Variants in NEMP2 observed in about 807,000 individuals in gnomAD.
The protein encoded by NEMP2 is UPF0571 transmembrane protein.
A neutral mutation model predicts 54.2 loss-of-function variants in NEMP2; 53 were observed. That is an observed-to-expected ratio of 0.98 (90% CI 0.78 to 1.23). NEMP2 has a LOEUF of 1.23. NEMP2 is among the 50% of genes most tolerant of loss of function. The pLI is 0.00. For missense variants in NEMP2, 455 were observed against 511.3 expected (o/e 0.89, Z 1.06); for synonymous variants, 197 against 190.3 (o/e 1.04, Z -0.29).
rs1374555080 is a variant in NEMP2 at position 190,527,417 on chromosome 2, C to G, written c.98-2039G>C. On this transcript the variant is annotated intron_variant, in intron 1 of 8. Transcript: ENST00000409150. The surrounding 1 kb of genome is among the most constrained non-coding windows in gnomAD (Gnocchi z 4.0). Reference sequence around the variant, plus strand: ...ATGCTCGCCATCTCCCAGAACACAACTCCATAAAAGGGAGGGTTTTCCGGT... The same window carrying G: ...ATGCTCGCCATCTCCCAGAACACAAGTCCATAAAAGGGAGGGTTTTCCGGT... Among the ~76,000 whole-genome samples the G allele has an allele frequency of 6.6e-6, 1 of 152,176 alleles. No homozygotes were observed. Among genetic ancestry groups the G allele is most frequent in the Non-Finnish European group, 1.5e-5 (1 of 68,032 alleles).
the NEMP2 span, among the ~76,000 whole-genome samples, chr2:190,486,618 T>G: frequency 6.6e-6 from 1 of 152,238 alleles, no homozygotes; most frequent in Non-Finnish European, 1.5e-5. Flanking sequence ...TCTCATATGT[T>G]TTGTCCGGTT....
rs1262694028 is a variant in NEMP2, at chr2:190,522,654, A to T, written c.213+2609T>A. On this transcript the variant is annotated intron_variant, in intron 2 of 8. Transcript: ENST00000409150. This position sits in a 1 kb window ranked among gnomAD's most constrained non-coding sequence, Gnocchi z 5.0. ...TTCAGGAAAAACCAACCAGCATTTA[A>T]TATCAATACAGACCTTAAGTCTGAT... Among the ~76,000 whole-genome samples the T allele has an allele frequency of 6.6e-6, 1 of 152,150 alleles. No individual in the cohort carries two copies. Among genetic ancestry groups the T allele is most frequent in the African/African-American group, 2.4e-5 (1 of 41,430 alleles).
At chr2:190,584,128 A>G in the NEMP2 span, among the ~76,000 whole-genome samples, 12 of 152,172 alleles carry the variant, frequency 7.9e-5, no homozygotes, top group Admixed American at 7.9e-4. The surrounding 1 kb of genome is among the most constrained non-coding windows in gnomAD (Gnocchi z 4.2). Flanking sequence ...GGGGGCTAGA[A>G]TGAAGTAAGC....
chr2:190,541,904 A>T, the NEMP2 span, among the ~76,000 whole-genome samples: 25 of 152,030 alleles, frequency 1.6e-4, no homozygotes, highest in Non-Finnish European at 3.1e-4. The surrounding 1 kb of genome is among the most constrained non-coding windows in gnomAD (Gnocchi z 5.2). Flanking sequence ...GCACTTTGAA[A>T]ATGTCCCATT....
chr2:190,556,458 A>G, the NEMP2 span, among the ~76,000 whole-genome samples: 1 of 152,222 alleles, frequency 6.6e-6, no homozygotes, highest in African/African-American at 2.4e-5. Context: ...TATTCAACAC[A>G]GTATTGGAAG....
At chr2:190,641,887 A>G in the NEMP2 span, among the ~76,000 whole-genome samples, 1 of 152,190 alleles carries the variant, frequency 6.6e-6, no homozygotes. Context: ...ACAAGGCTCT[A>G]ATCCTTAAAA....
At chr2:190,438,086 A>G in the NEMP2 span, among the ~76,000 whole-genome samples, 1 of 152,148 alleles carries the variant, frequency 6.6e-6, no homozygotes, top group Non-Finnish European at 1.5e-5. This position sits in a 1 kb window ranked among gnomAD's most constrained non-coding sequence, Gnocchi z 5.2. Flanking sequence ...ATGATATTAC[A>G]TGGATGAGGT....
chr2:190,424,273 G>T, the NEMP2 span, among the ~76,000 whole-genome samples: 2 of 147,180 alleles, frequency 1.4e-5, no homozygotes, highest in Admixed American at 6.8e-5. This position sits in a 1 kb window ranked among gnomAD's most constrained non-coding sequence, Gnocchi z 5.9. Flanking sequence ...GTTTCAAATT[G>T]TATAGTTAAT....
chr2:190,624,061 T>C, the NEMP2 span, among the ~76,000 whole-genome samples: 2 of 152,186 alleles, frequency 1.3e-5, no homozygotes, highest in African/African-American at 4.8e-5. Context: ...AGCAGGAAGA[T>C]TGCTTGAGCC....
Position 190,505,716 on chromosome 2 carries a change from A to G in NEMP2, c.*3473T>C, listed in dbSNP as rs897660815. On this transcript the variant is annotated 3_prime_UTR_variant, in exon 9 of 9. Coordinates refer to ENST00000409150, the MANE Select transcript of NEMP2 (RefSeq NM_001142645.2). The surrounding 1 kb of genome is among the most constrained non-coding windows in gnomAD (Gnocchi z 5.8). ...AAGACTAAAGATTTTAACACATCTG[A>G]GTAAAAATATGCCCATCAGAGGGGG... 6.6e-6 allele frequency: 1 copy of G among 152,240 alleles called. No homozygotes were observed. Among genetic ancestry groups the G allele is most frequent in the African/African-American group, 2.4e-5 (1 of 41,468 alleles). The allele number at this position is 152,240 out of a possible 1,614,324, so 9.4% of individuals were successfully genotyped here.
At chr2:190,629,923 A>G in the NEMP2 span, 1 of 152,238 alleles carries the variant, frequency 6.6e-6, no homozygotes, top group South Asian at 2.1e-4. Context: ...GAAATAAAAC[A>G]TGGCTTCGCC....
chr2:190,633,160 G>A, the NEMP2 span, among the ~76,000 whole-genome samples: 13 of 152,082 alleles, frequency 8.5e-5, no homozygotes, highest in East Asian at 5.8e-4. Flanking sequence ...CCACCTACTC[G>A]GACCACCCAC....
At chr2:190,642,680 C>T in the NEMP2 span, among the ~76,000 whole-genome samples, 1 of 151,964 alleles carries the variant, frequency 6.6e-6, no homozygotes, top group Non-Finnish European at 1.5e-5. This position sits in a 1 kb window ranked among gnomAD's most constrained non-coding sequence, Gnocchi z 4.1. Flanking sequence ...TATGAATATT[C>T]TACATGACTC....
At chr2:190,586,896 T>C in the NEMP2 span, among the ~76,000 whole-genome samples, 1 of 152,242 alleles carries the variant, frequency 6.6e-6, no homozygotes, top group East Asian at 1.9e-4. The surrounding 1 kb of genome is among the most constrained non-coding windows in gnomAD (Gnocchi z 4.5). Flanking sequence ...CCTTGACTTC[T>C]ATTGTCCCTC....
the NEMP2 span, among the ~76,000 whole-genome samples, chr2:190,613,710 C>A: frequency 6.6e-6 from 1 of 152,090 alleles, no homozygotes; most frequent in Admixed American, 6.6e-5. Flanking sequence ...TACTCAGCCT[C>A]CCAAGTAGCT....
At chr2:190,572,290 T>C in the NEMP2 span, among the ~76,000 whole-genome samples, 1 of 152,220 alleles carries the variant, frequency 6.6e-6, no homozygotes, top group African/African-American at 2.4e-5. Context: ...CATTAACTTG[T>C]GACTTTCATC....
rs1490914459 is a variant in NEMP2, at chr2:190,533,997, G to GT, written c.97+561dup. On this transcript the variant is annotated intron_variant, in intron 1 of 8. Coordinates refer to ENST00000409150, the MANE Select transcript of NEMP2 (RefSeq NM_001142645.2). The surrounding 1 kb of genome is among the most constrained non-coding windows in gnomAD (Gnocchi z 4.3). ...TGCACACGAACACCACAAGAACCTT[G>GT]TGAGGCCTCATTACCTGCCGCTCAC... 206 of 985,326 alleles carry GT rather than the reference G, an allele frequency of 2.1e-4. 1 individual carries two copies. The highest frequency in any genetic ancestry group is 5.2e-4 in the South Asian group (11 of 21,282). 61.0% of individuals were successfully genotyped at this position (985,326 alleles called of 1,614,324 possible).
rs1328439234 is a variant in NEMP2 at position 190,507,232 on chromosome 2, A to G, written c.*1957T>C. On this transcript the variant is annotated 3_prime_UTR_variant, in exon 9 of 9. Transcript: ENST00000409150. The surrounding 1 kb of genome is among the most constrained non-coding windows in gnomAD (Gnocchi z 4.4). ...AATAAACATGGAAAACAATATCCTCAAGGACTGCTGTTGTTCTTCTCTCTT... is the reference window on the plus strand; with the variant it reads ...AATAAACATGGAAAACAATATCCTCGAGGACTGCTGTTGTTCTTCTCTCTT... 1 of 152,184 alleles carries G rather than the reference A, an allele frequency of 6.6e-6. No homozygotes were observed. The highest frequency in any genetic ancestry group is 1.5e-5 in the Non-Finnish European group (1 of 68,022). 9.4% of individuals were successfully genotyped at this position (152,184 alleles called of 1,614,324 possible).
chr2:190,428,026 C>T, the NEMP2 span, among the ~76,000 whole-genome samples: 1 of 152,216 alleles, frequency 6.6e-6, no homozygotes, highest in Non-Finnish European at 1.5e-5. Flanking sequence ...GCCACTGTGC[C>T]CTGCCATGTC....
Sources: gnomAD v4.1 joint callset for allele counts (sites outside exome capture counted in the v4.1 genomes callset) on GRCh38, gnomAD v4.1.1 for gene constraint, Gnocchi (gnomAD v3.1) non-coding constraint, MANE v1.5 for transcripts, NCBI Gene and HGNC (gene_info 2026-07-23, HGNC 2026-07-21) for gene names.